Variants in RBFOX3 observed in about 807,000 individuals in gnomAD.
The protein encoded by RBFOX3 is RNA binding fox-1 homolog 3.
In RBFOX3, 17 loss-of-function variants were observed where a neutral mutation model predicts 48.7. That is an observed-to-expected ratio of 0.35 (90% CI 0.24 to 0.52). RBFOX3 has a LOEUF of 0.52. Ranked by LOEUF, RBFOX3 falls within the 20% of genes least tolerant of loss-of-function variation. RBFOX3 has a pLI of 0.94. For missense variants in RBFOX3, 382 were observed against 497.5 expected (o/e 0.77, Z 2.21); for synonymous variants, 212 against 209.5 (o/e 1.01, Z -0.10).
the RBFOX3 span, among the ~76,000 whole-genome samples, chr17:79,620,489 A>G: frequency 3.3e-4 from 45 of 135,010 alleles, no homozygotes; most frequent in Admixed American, 1.7e-3. Context: ...ACGCACGTGC[A>G]CACACGCGCA....
At chr17:79,182,405 C>T (rs2052231717) in intron 4 of RBFOX3, among the ~76,000 whole-genome samples, 1 of 152,186 alleles carries the variant, frequency 6.6e-6, no homozygotes, top group South Asian at 2.1e-4. Context: ...GCCAGGCTGG[C>T]GCCGGGAACT....
At chr17:79,373,408 C>T (rs1489860430) in intron 2 of RBFOX3, among the ~76,000 whole-genome samples, 2 of 152,338 alleles carry the variant, frequency 1.3e-5, no homozygotes, top group South Asian at 2.1e-4. Context: ...GAGCATGTCA[C>T]GTGCTCAGAG....
intron 4 of RBFOX3, among the ~76,000 whole-genome samples, chr17:79,190,918 A>G (rs1486518399): frequency 3.3e-5 from 5 of 152,186 alleles, no homozygotes; most frequent in African/African-American, 1.2e-4. Context: ...AAAAGGGAAG[A>G]CTGTACACAC....
chr17:79,146,735 G>A (rs947462534), intron 4 of RBFOX3, among the ~76,000 whole-genome samples: 1 of 152,208 alleles, frequency 6.6e-6, no homozygotes, highest in Non-Finnish European at 1.5e-5. Flanking sequence ...GCTTCTCCAT[G>A]GGGGCCTGGG....
chr17:79,149,156 C>A (rs765595431), intron 4 of RBFOX3, among the ~76,000 whole-genome samples: 9 of 152,212 alleles, frequency 5.9e-5, no homozygotes, highest in Non-Finnish European at 1.2e-4. Flanking sequence ...CGCTGCCTGC[C>A]AGGAAAATGC....
chr17:79,485,919 C>T (rs1391617015), intron 1 of RBFOX3, among the ~76,000 whole-genome samples: 3 of 152,244 alleles, frequency 2.0e-5, no homozygotes, highest in African/African-American at 7.2e-5. Context: ...AGCTTGTCCC[C>T]GATTGTAATG....
intron 3 of RBFOX3, among the ~76,000 whole-genome samples, chr17:79,256,438 G>A (rs1209868032): frequency 1.3e-5 from 2 of 152,250 alleles, no homozygotes; most frequent in East Asian, 1.9e-4. Flanking sequence ...CTAAAAGCAT[G>A]AGTGTCCCTA....
chr17:79,352,567 C>T (rs1232732210), intron 2 of RBFOX3, among the ~76,000 whole-genome samples: 1 of 152,174 alleles, frequency 6.6e-6, no homozygotes, highest in Non-Finnish European at 1.5e-5. Flanking sequence ...GGCCAGGCAC[C>T]GCTGTCTCAG....
chr17:79,160,991 A>AC, intron 4 of RBFOX3, among the ~76,000 whole-genome samples: 1 of 151,422 alleles, frequency 6.6e-6, no homozygotes, highest in Non-Finnish European at 1.5e-5. Flanking sequence ...AAAAAAAAAA[A>AC]AAAAAACAAA....
intron 4 of RBFOX3, among the ~76,000 whole-genome samples, chr17:79,145,926 G>C (rs1012566772): frequency 6.6e-6 from 1 of 152,146 alleles, no homozygotes; most frequent in African/African-American, 2.4e-5. Flanking sequence ...GGGCAGGGGG[G>C]TGGTTGGGGA....
rs572821850 is a variant in RBFOX3, at chr17:79,212,406, G to A, written c.-34+23360C>T. Among the ~76,000 whole-genome samples the A allele has an allele frequency of 2.6e-5, 4 of 152,192 alleles. No homozygotes were observed. The highest frequency in any genetic ancestry group is 2.1e-4 in the South Asian group (1 of 4,812). ...GCTCCTTCCTTCCCTCCTGCAGCCG[G>A]GCTCCTGGCGCTGCCCGTTCCCAAT... is the stretch of plus-strand genomic sequence containing the variant. On this transcript the variant is annotated intron_variant, in intron 4 of 14. Coordinates refer to ENST00000693108, the MANE Select transcript of RBFOX3 (RefSeq NM_001350451.2). The surrounding 1 kb of genome is among the most constrained non-coding windows in gnomAD (Gnocchi z 4.7).
the RBFOX3 span, among the ~76,000 whole-genome samples, chr17:79,654,802 G>A: frequency 6.6e-6 from 1 of 152,170 alleles, no homozygotes. Context: ...CAGAGCCAAC[G>A]TAAAATCCAC....
intron 1 of RBFOX3, among the ~76,000 whole-genome samples, chr17:79,608,078 C>T (rs1357590577): frequency 5.3e-5 from 8 of 152,214 alleles, no homozygotes; most frequent in Non-Finnish European, 1.2e-4. Context: ...CTCCAGCGGC[C>T]CTGGGACCGT....
At chr17:79,356,982 A>T (rs558419318) in intron 2 of RBFOX3, among the ~76,000 whole-genome samples, 1 of 152,090 alleles carries the variant, frequency 6.6e-6, no homozygotes, top group African/African-American at 2.4e-5. Context: ...TTGAGAAGCT[A>T]TGTCCTAAAG....
At chr17:79,353,829 C>T (rs2084427526) in intron 2 of RBFOX3, among the ~76,000 whole-genome samples, 1 of 152,096 alleles carries the variant, frequency 6.6e-6, no homozygotes, top group Admixed American at 6.5e-5. Flanking sequence ...CTCACCCTTC[C>T]CCAGGCGAAC....
At chr17:79,369,493 C>T (rs552360558) in intron 2 of RBFOX3, among the ~76,000 whole-genome samples, 1 of 152,166 alleles carries the variant, frequency 6.6e-6, no homozygotes, top group Non-Finnish European at 1.5e-5. Context: ...TGGGGATCCC[C>T]TCGAACACCA....
At chr17:79,229,860 C>A (rs1476437059) in intron 4 of RBFOX3, among the ~76,000 whole-genome samples, 1 of 152,314 alleles carries the variant, frequency 6.6e-6, no homozygotes, top group African/African-American at 2.4e-5. Flanking sequence ...GTTTCCTCAT[C>A]TGTAGAATAG....
At chr17:79,569,420 T>C (rs1390397986) in intron 1 of RBFOX3, among the ~76,000 whole-genome samples, 1 of 152,228 alleles carries the variant, frequency 6.6e-6, no homozygotes, top group East Asian at 1.9e-4. Context: ...TTCATTCCCT[T>C]CTATGGCTAC....
chr17:79,425,337 G>GC (rs1457258901), intron 2 of RBFOX3, among the ~76,000 whole-genome samples: 3 of 152,144 alleles, frequency 2.0e-5, no homozygotes, highest in African/African-American at 7.2e-5. Flanking sequence ...AGTGGGGAGG[G>GC]CCTGGGGGGG....
Sources: gnomAD v4.1 joint callset for allele counts (sites outside exome capture counted in the v4.1 genomes callset) on GRCh38, gnomAD v4.1.1 for gene constraint, Gnocchi (gnomAD v3.1) non-coding constraint, MANE v1.5 for transcripts, NCBI Gene and HGNC (gene_info 2026-07-23, HGNC 2026-07-21) for gene names.